The following FRYL variants were observed in gnomAD, a reference collection of about 807,000 sequenced individuals.
The protein encoded by FRYL is FRY like transcription coactivator.
FRYL carries 150 observed loss-of-function variants against 351.2 expected under a neutral mutation model. That is an observed-to-expected ratio of 0.43 (90% CI 0.37 to 0.49). The LOEUF (loss-of-function observed/expected upper bound fraction) is 0.49, where lower values mean the gene tolerates loss of function less well. Among genes scored for constraint, FRYL ranks in the 20% least tolerant of loss-of-function variants. FRYL has a pLI of 0.00. For synonymous variants in FRYL, 1,153 were observed against 1,257.1 expected (o/e 0.92, Z 1.75); for missense variants, 3,036 against 3,619.3 (o/e 0.84, Z 4.13).
intron 49 of FRYL, among the ~76,000 whole-genome samples, chr4:48,533,439 G>C (rs1340936751): frequency 6.6e-6 from 1 of 152,108 alleles, no homozygotes; most frequent in Non-Finnish European, 1.5e-5. Context: ...GGGAATGTAA[G>C]AGGTAATGTG....
chr4:48,559,558 T>C (rs1481068838), intron 33 of FRYL, among the ~76,000 whole-genome samples: 1 of 67,838 alleles, frequency 1.5e-5, no homozygotes, highest in Non-Finnish European at 2.7e-5. Flanking sequence ...AAAAGCCAGG[T>C]GTGGTGCCGC....
At chr4:48,686,199 A>G (rs1765138574) in intron 2 of FRYL, among the ~76,000 whole-genome samples, 1 of 152,216 alleles carries the variant, frequency 6.6e-6, no homozygotes, top group Non-Finnish European at 1.5e-5. Context: ...CTGAAATAGT[A>G]ATTTGTACTA....
intron 1 of FRYL, among the ~76,000 whole-genome samples, chr4:48,717,513 A>C (rs1051224599): frequency 9.2e-5 from 14 of 151,434 alleles, no homozygotes; most frequent in African/African-American, 3.4e-4. Context: ...TGGTTTTGCA[A>C]TTCTGTGAAT....
intron 2 of FRYL, among the ~76,000 whole-genome samples, chr4:48,692,052 T>A (rs1202301024): frequency 6.6e-6 from 1 of 152,134 alleles, no homozygotes; most frequent in Non-Finnish European, 1.5e-5. Flanking sequence ...ATTTCATAAA[T>A]AGTAGATGGG....
intron 56 of FRYL, among the ~76,000 whole-genome samples, chr4:48,513,906 C>T (rs764207930): frequency 5.3e-5 from 8 of 152,158 alleles, no homozygotes; most frequent in Non-Finnish European, 1.0e-4. Flanking sequence ...AGCCAAATAG[C>T]TGAATAACAT....
intron 50 of FRYL, among the ~76,000 whole-genome samples, chr4:48,530,227 T>C (rs923434059): frequency 4.6e-5 from 7 of 152,180 alleles, no homozygotes; most frequent in Admixed American, 1.3e-4. Context: ...TGGTGCAACA[T>C]TGATCTACCT....
intron 1 of FRYL, among the ~76,000 whole-genome samples, chr4:48,756,566 T>C (rs1268647486): frequency 6.6e-6 from 1 of 152,240 alleles, no homozygotes; most frequent in Non-Finnish European, 1.5e-5. Flanking sequence ...CATACTATTC[T>C]AACTTTACCA....
At chr4:48,765,168 T>C (rs1774820836) in intron 1 of FRYL, among the ~76,000 whole-genome samples, 1 of 152,154 alleles carries the variant, frequency 6.6e-6, no homozygotes, top group Admixed American at 6.5e-5. Context: ...AAAATTCATA[T>C]GGAACCACAA....
At chr4:48,775,314 T>G (rs750100157) in intron 1 of FRYL, among the ~76,000 whole-genome samples, 7 of 152,250 alleles carry the variant, frequency 4.6e-5, no homozygotes, top group Non-Finnish European at 1.0e-4. Flanking sequence ...CTGGTCTATT[T>G]AAGGTTCCTG....
At chr4:48,507,672 C>T (rs928710960) in intron 59 of FRYL, among the ~76,000 whole-genome samples, 7 of 151,530 alleles carry the variant, frequency 4.6e-5, no homozygotes, top group Admixed American at 3.3e-4. Flanking sequence ...TTATGCCCTA[C>T]AGTTTCACTG....
chr4:48,508,196 G>A (rs1296770080), intron 59 of FRYL, among the ~76,000 whole-genome samples: 1 of 152,162 alleles, frequency 6.6e-6, no homozygotes, highest in Admixed American at 6.5e-5. Flanking sequence ...CTTGACAGCT[G>A]TAGTTTGCTA....
chr4:48,681,387 T>C (rs1321961810), intron 3 of FRYL, among the ~76,000 whole-genome samples: 1 of 152,078 alleles, frequency 6.6e-6, no homozygotes, highest in African/African-American at 2.4e-5. Context: ...GTACAATGGG[T>C]GTTAACGACA....
intron 3 of FRYL, among the ~76,000 whole-genome samples, chr4:48,665,138 C>A (rs1363972364): frequency 6.6e-6 from 1 of 152,148 alleles, no homozygotes; most frequent in Non-Finnish European, 1.5e-5. Flanking sequence ...AATTATATTG[C>A]TTGTGTAAGC....
intron 1 of FRYL, among the ~76,000 whole-genome samples, chr4:48,758,674 G>A (rs865929214): frequency 1.4e-4 from 21 of 152,122 alleles, no homozygotes; most frequent in Non-Finnish European, 2.4e-4. Context: ...ACAGTGTGGC[G>A]ATTCCTCAAG....
chr4:48,744,188 T>TG (rs1405746824), intron 1 of FRYL, among the ~76,000 whole-genome samples: 1 of 151,992 alleles, frequency 6.6e-6, no homozygotes, highest in Non-Finnish European at 1.5e-5. Context: ...AATTTCTTTT[T>TG]GGGGGTGATA....
At chr4:48,715,480 C>T (rs1163401936) in intron 1 of FRYL, among the ~76,000 whole-genome samples, 1 of 151,694 alleles carries the variant, frequency 6.6e-6, no homozygotes, top group Admixed American at 6.6e-5. Flanking sequence ...ACACCAATAA[C>T]AGACAAACAG....
chr4:48,683,762 A>G (rs1330939879), intron 3 of FRYL, among the ~76,000 whole-genome samples: 1 of 152,234 alleles, frequency 6.6e-6, no homozygotes, highest in Non-Finnish European at 1.5e-5. Context: ...AAAAGTGTCA[A>G]AATTAAGATC....
chr4:48,754,147 A>G (rs1773527822), intron 1 of FRYL, among the ~76,000 whole-genome samples: 1 of 152,190 alleles, frequency 6.6e-6, no homozygotes, highest in Admixed American at 6.5e-5. Flanking sequence ...TCATCACCCC[A>G]AAAGGAAACC....
Position 48,498,454 on chromosome 4 carries a change from AAAT to A in FRYL, c.*965_*967del, listed in dbSNP as rs1243160849. The A allele has an allele frequency of 6.6e-6, 1 of 152,626 alleles. No individual in the cohort carries two copies. Among genetic ancestry groups the A allele is most frequent in the Non-Finnish European group, 1.5e-5 (1 of 68,036 alleles). 9.5% of individuals were successfully genotyped at this position (152,626 alleles called of 1,614,324 possible). On this transcript the variant is annotated 3_prime_UTR_variant, in exon 64 of 64. Coordinates refer to ENST00000358350, the MANE Select transcript of FRYL (RefSeq NM_015030.2). ...GTCTCTACAGTTTCTATATGGAGTA[AAAT>A]AAGTTAAAACTTTTCTAATGAGAAT...
Sources: allele counts gnomAD v4.1 joint callset (sites outside exome capture counted in the v4.1 genomes callset), GRCh38; gene constraint gnomAD v4.1.1; transcripts MANE v1.5; gene names NCBI Gene and HGNC (gene_info 2026-07-23, HGNC 2026-07-21).